Variants in FAM32A observed in about 807,000 individuals in gnomAD.
FAM32A encodes the protein protein FAM32A.
FAM32A carries 9 observed loss-of-function variants against 15.8 expected under a neutral mutation model. The observed-to-expected ratio is 0.57, with a 90% confidence interval of 0.34 to 1.00. The LOEUF (loss-of-function observed/expected upper bound fraction) is 1.00, where lower values mean the gene tolerates loss of function less well. FAM32A is among the 50% of genes least tolerant of loss of function. The pLI is 0.02. For missense variants in FAM32A, 113 were observed against 138.3 expected (o/e 0.82, Z 0.92); for synonymous variants, 64 against 54.9 (o/e 1.16, Z -0.73).
Position 16,191,098 on chromosome 19 carries a change from AC to A in FAM32A, c.*146del. 2.9e-6 allele frequency: 2 copies of A among 679,634 alleles called. No homozygotes were observed. Among genetic ancestry groups the A allele is most frequent in the Non-Finnish European group, 5.3e-6 (2 of 376,818 alleles). The allele number at this position is 679,634 out of a possible 1,614,324, so 42.1% of individuals were successfully genotyped here. A position where few individuals can be genotyped will look rare whatever the true frequency, so the allele number is the denominator to read the frequency against. On this transcript the variant is annotated 3_prime_UTR_variant, in exon 4 of 4. Coordinates refer to ENST00000263384, the MANE Select transcript of FAM32A (RefSeq NM_014077.4). ...TACAGACTGCTTTTCGAAGCTGTGT[AC>A]CCTCATTCTGGAACTTGATTAAAGT...
chr19:16,189,668 CTTTTTTTTTTTTTTTTTTTTT>C (rs71178652), intron 2 of FAM32A, among the ~76,000 whole-genome samples: 1 of 58,554 alleles, frequency 1.7e-5, no homozygotes, highest in Non-Finnish European at 3.1e-5. Flanking sequence ...CACTCCAACT[CTTTTTTTTTTTTTTTTTTTTT>C]TTTTTGACAG....
In FAM32A at chr19:16,190,882, C is replaced by T. The variant is rs1180514845; in HGVS notation, c.271-5C>T. 8 of 1,613,676 alleles carry T rather than the reference C, an allele frequency of 5.0e-6. No homozygotes were observed. Among genetic ancestry groups the T allele is most frequent in the Non-Finnish European group, 6.8e-6 (8 of 1,179,736 alleles). On this transcript the variant is annotated splice_polypyrimidine_tract_variant and splice_region_variant and intron_variant, in intron 3 of 3. Transcript: ENST00000263384. ...TGACACCGGCCTTCTACTCCACCTC[C>T]CCAGGACTTCAACAGACACCTGGAC...
chr19:16,188,311 T>C (rs2091393427), intron 2 of FAM32A, among the ~76,000 whole-genome samples: 1 of 152,178 alleles, frequency 6.6e-6, no homozygotes, highest in Non-Finnish European at 1.5e-5. Flanking sequence ...ACCAAGACTT[T>C]GGGCTGGGCA....
intron 2 of FAM32A, among the ~76,000 whole-genome samples, chr19:16,189,019 CTTTTTTTTTTT>C (rs11340905): frequency 2.4e-5 from 2 of 83,394 alleles, no homozygotes; most frequent in South Asian, 7.8e-4. Context: ...CTCAGTGCTT[CTTTTTTTTTTT>C]TTTTTTTTTT....
At chr19:16,190,394 C>A in intron 2 of FAM32A, 126 bp from the exon 3 acceptor site, 1 of 645,760 alleles carries the variant, frequency 1.5e-6, no homozygotes, top group Non-Finnish European at 2.8e-6. Context: ...GGACAAGGCA[C>A]AGAGCCTGAA....
intron 2 of FAM32A, among the ~76,000 whole-genome samples, chr19:16,189,020 T>C (rs1371778804): frequency 5.1e-5 from 1 of 19,486 alleles, no homozygotes; most frequent in Non-Finnish European, 1.8e-4. Flanking sequence ...TCAGTGCTTC[T>C]TTTTTTTTTT....
rs775258216 is a variant in FAM32A at position 16,190,593 on chromosome 19, G to A, written c.270+20G>A. 1 of 1,599,458 alleles carries A rather than the reference G, an allele frequency of 6.3e-7. No homozygotes were observed. The highest frequency in any genetic ancestry group is 1.7e-5 in the Admixed American group (1 of 59,916). Reference sequence around the variant, plus strand: ...GTGGAGGTGAGTCGCCGTGTCCAGTGGGGGAGACTGAGCCATTCAGGGTCC... The same window carrying A: ...GTGGAGGTGAGTCGCCGTGTCCAGTAGGGGAGACTGAGCCATTCAGGGTCC... On this transcript the variant is annotated intron_variant, in intron 3 of 3. Coordinates refer to ENST00000263384, the MANE Select transcript of FAM32A (RefSeq NM_014077.4).
In FAM32A at chr19:16,185,644, A is replaced by G. The variant is rs753635470; in HGVS notation, c.95A>G (p.Lys32Arg). 6.3e-7 allele frequency: 1 copy of G among 1,598,134 alleles called. No homozygotes were observed. Among genetic ancestry groups the G allele is most frequent in the Non-Finnish European group, 8.5e-7 (1 of 1,171,838 alleles). ...TCCAGGAAGAAGAAAAAGAAGGACAAAGACAAAGCGAAACTCCTGGAAGCA... is the reference window on the plus strand; with the variant it reads ...TCCAGGAAGAAGAAAAAGAAGGACAGAGACAAAGCGAAACTCCTGGAAGCA... ...VTKRKKKKKD[K>R]DKAKLLEAMG... Residue 32 changes from lysine to arginine, a missense_variant, in exon 2 of 4, where the codon AAA (lysine) becomes AGA (arginine). Transcript: ENST00000263384.
At chr19:16,189,694 T>TTTTTTTTTTTTTTTTTTTGGGGGG in intron 2 of FAM32A, among the ~76,000 whole-genome samples, 1 of 120,592 alleles carries the variant, frequency 8.3e-6, no homozygotes, top group South Asian at 2.6e-4. Flanking sequence ...TTTTTTTTTT[T>TTTTTTTTTTTTTTTTTTTGGGGGG]GACAGGGTCT....
chr19:16,189,924 C>T (rs1397880364), intron 2 of FAM32A, among the ~76,000 whole-genome samples: 1 of 151,998 alleles, frequency 6.6e-6, no homozygotes, highest in East Asian at 1.9e-4. Flanking sequence ...CTGCCTTAGC[C>T]TCCCAAAGTG....
At chr19:16,187,572 C>T (rs1180382533) in intron 2 of FAM32A, 1 of 151,296 alleles carries the variant, frequency 6.6e-6, no homozygotes, top group African/African-American at 2.4e-5. Flanking sequence ...CCTCAGCCTC[C>T]TGAGTAGCTG....
At chr19:16,188,218 G>A (rs1203164266) in intron 2 of FAM32A, among the ~76,000 whole-genome samples, 1 of 152,224 alleles carries the variant, frequency 6.6e-6, no homozygotes, top group East Asian at 1.9e-4. Context: ...AAGGTAACAG[G>A]TTTGGAATAG....
rs1319544478 is a variant in FAM32A, at chr19:16,191,459, A to G, written c.*504A>G. On this transcript the variant is annotated 3_prime_UTR_variant, in exon 4 of 4. Transcript: ENST00000263384. ...GGCCCTAGGGAAGCCACTTGCAACT[A>G]TGCGGCCTTCAGACTTCCTCCTCAG... 6.4e-6 allele frequency: 1 copy of G among 155,740 alleles called. No homozygotes were observed. The highest frequency in any genetic ancestry group is 1.4e-5 in the Non-Finnish European group (1 of 70,210). The allele number at this position is 155,740 out of a possible 1,614,324, so 9.6% of individuals were successfully genotyped here.
rs1257435531 is a variant in FAM32A, at chr19:16,191,810, T to C, written c.*855T>C. On this transcript the variant is annotated 3_prime_UTR_variant, in exon 4 of 4. Transcript: ENST00000263384. ...TGACAGGACCAGGGCAGAGCCCCGG[T>C]ACAAACAGACAAGGCTGCAGTCAAA... The C allele has an allele frequency of 6.6e-6, 1 of 152,242 alleles. No homozygotes were observed. The highest frequency in any genetic ancestry group is 1.5e-5 in the Non-Finnish European group (1 of 68,098). 9.4% of individuals were successfully genotyped at this position (152,242 alleles called of 1,614,324 possible). A position where few individuals can be genotyped will look rare whatever the true frequency, so the allele number is the denominator to read the frequency against.
At chr19:16,190,848 G>A (rs749463021) in intron 3 of FAM32A, 39 bp from the exon 4 acceptor site, 1 of 1,562,868 alleles carries the variant, frequency 6.4e-7, no homozygotes, top group Non-Finnish European at 8.8e-7. Context: ...ACCCCACTTG[G>A]GTCTGCGCTG....
chr19:16,190,489 A>T, intron 2 of FAM32A, 31 bp from the exon 3 acceptor site: 6 of 1,556,724 alleles, frequency 3.9e-6, no homozygotes, highest in Non-Finnish European at 5.3e-6. Context: ...TTGAGCCTGT[A>T]AACTCACCTC....
At chr19:16,186,108 C>T (rs921677344) in intron 2 of FAM32A, among the ~76,000 whole-genome samples, 7 of 152,154 alleles carry the variant, frequency 4.6e-5, no homozygotes, top group African/African-American at 1.7e-4. Flanking sequence ...CTCAAGTTTC[C>T]TCTTCTGTAC....
chr19:16,185,680 G>C lies in FAM32A; in HGVS notation c.131G>C (p.Ser44Thr). 1 of 1,583,928 alleles carries C rather than the reference G, an allele frequency of 6.3e-7. No individual in the cohort carries two copies. Among genetic ancestry groups the C allele is most frequent in the Non-Finnish European group, 8.6e-7 (1 of 1,163,920 alleles). ...KAKLLEAMGT[S>T]KKNEEEKRRG... ...AAACTCCTGGAAGCAATGGGAACGA[G>C]CAAAAAGAACGAGGAGGAGAAGCGG... Residue 44 changes from serine to threonine, a missense_variant, in exon 2 of 4, where the codon AGC becomes ACC. By Grantham distance (58) the Ser-to-Thr change is moderately conservative (BLOSUM62 1). Coordinates refer to ENST00000263384, the MANE Select transcript of FAM32A (RefSeq NM_014077.4).
Position 16,190,964 on chromosome 19 carries a change from C to A in FAM32A, c.*9C>A. 6.2e-7 allele frequency: 1 copy of A among 1,611,804 alleles called. No individual in the cohort carries two copies. Among genetic ancestry groups the A allele is most frequent in the Non-Finnish European group, 8.5e-7 (1 of 1,177,896 alleles). On this transcript the variant is annotated 3_prime_UTR_variant, in exon 4 of 4. Transcript: ENST00000263384. Reference sequence around the variant, plus strand: ...TCAGCTGGACGAAGTAGCCGCCTGCCCCCAGTATGGAGCAGCATCGAGGGT... The same window carrying A: ...TCAGCTGGACGAAGTAGCCGCCTGCACCCAGTATGGAGCAGCATCGAGGGT...
Sources: gnomAD v4.1 joint callset for allele counts (sites outside exome capture counted in the v4.1 genomes callset) on GRCh38, gnomAD v4.1.1 for gene constraint, MANE v1.5 for transcripts, NCBI Gene and HGNC (gene_info 2026-07-23, HGNC 2026-07-21) for gene names.